The following ATPAF2 variants were observed in gnomAD, a reference collection of about 807,000 sequenced individuals.
ATPAF2 encodes the protein ATP synthase mitochondrial F1 complex assembly factor 2.
Under a neutral mutation model 36.6 loss-of-function variants are expected in ATPAF2, and 30 were observed. The ratio of observed to expected loss-of-function variants is 0.82; its 90% CI spans 0.61 to 1.11. The LOEUF (loss-of-function observed/expected upper bound fraction) is 1.11. Ranked by LOEUF, ATPAF2 falls within the 50% of genes most tolerant of loss-of-function variation. The pLI is 0.00. For missense variants in ATPAF2, 321 were observed against 372.3 expected, an observed-to-expected ratio of 0.86 and a Z score of 1.13; for synonymous variants, 140 against 152.6, an observed-to-expected ratio of 0.92 and a Z score of 0.61.
intron 2 of ATPAF2, 52 bp from the exon 3 acceptor site, chr17:18,028,429 G>A: frequency 6.2e-7 from 1 of 1,604,938 alleles, no homozygotes; most frequent in Non-Finnish European, 8.5e-7. Flanking sequence ...GGAATCAAGT[G>A]ACCATTCCTA....
In ATPAF2 at chr17:18,021,812, G is replaced by A. The variant is rs1161582403; in HGVS notation, c.549C>T (p.Ser183=). 7.4e-6 allele frequency: 12 copies of A among 1,614,060 alleles called. No individual in the cohort carries two copies. The highest frequency in any genetic ancestry group is 8.5e-6 in the Non-Finnish European group (10 of 1,180,032). The change falls in exon 6 of 8, where the codon AGC becomes AGT. Residue 183 remains serine, a synonymous_variant. Transcript: ENST00000474627. ...GCACCTCCCGAGTTTTGGCAGGGAT[G>A]CTGGGTCCCATTATGCTGGTGGAGG... ...ISSSTSIMGP[S]IPAKTREVLV... is the part of the protein sequence containing the mutation.
intron 5 of ATPAF2, among the ~76,000 whole-genome samples, chr17:18,022,823 T>G (rs2145490862): frequency 6.6e-6 from 1 of 152,226 alleles, no homozygotes; most frequent in East Asian, 1.9e-4. Context: ...TTTTTTCTGT[T>G]GCTTAAAAAA....
At chr17:18,023,829 A>G (rs1013390860) in intron 5 of ATPAF2, among the ~76,000 whole-genome samples, 9 of 152,258 alleles carry the variant, frequency 5.9e-5, no homozygotes, top group Non-Finnish European at 1.3e-4. Flanking sequence ...CAGTCAAGGT[A>G]GTACCATGAA....
Position 18,021,816 on chromosome 17 carries a change from G to T in ATPAF2, c.545C>A (p.Pro182His). The T allele has an allele frequency of 6.2e-7, 1 of 1,614,118 alleles. No homozygotes were observed. ...EISSSTSIMG[P>H]SIPAKTREVL... ...CTCCCGAGTTTTGGCAGGGATGCTG[G>T]GTCCCATTATGCTGGTGGAGGAGCT... Residue 182 changes from proline (P) to histidine (H), a missense_variant, in exon 6 of 8, where the codon CCC (proline) becomes CAC (histidine). Transcript: ENST00000474627.
chr17:18,023,127 CAAAAAAA>C (rs772470040), intron 5 of ATPAF2, among the ~76,000 whole-genome samples: 28 of 104,778 alleles, frequency 2.7e-4, no homozygotes, highest in Non-Finnish European at 3.8e-4. Context: ...AGACTCCTTT[CAAAAAAA>C]AAAAAAAAAA....
At chr17:18,036,650 C>T (rs188248460) in intron 1 of ATPAF2, among the ~76,000 whole-genome samples, 17 of 151,832 alleles carry the variant, frequency 1.1e-4, no homozygotes, top group African/African-American at 3.9e-4. Flanking sequence ...TTTTCTTTCA[C>T]ATTTGACTAC....
chr17:18,027,552 G>T (rs536686111), intron 3 of ATPAF2, among the ~76,000 whole-genome samples: 1 of 152,298 alleles, frequency 6.6e-6, no homozygotes, highest in South Asian at 2.1e-4. Flanking sequence ...TCTTTAATCG[G>T]TGGGGAATAT....
At chr17:18,035,812 A>G (rs2044695194) in intron 1 of ATPAF2, among the ~76,000 whole-genome samples, 1 of 152,324 alleles carries the variant, frequency 6.6e-6, no homozygotes, top group Non-Finnish European at 1.5e-5. Flanking sequence ...AATCCACACC[A>G]CTATTCTATG....
intron 1 of ATPAF2, 99 bp from the exon 2 acceptor site, chr17:18,028,758 A>G: frequency 3.5e-6 from 4 of 1,126,782 alleles, no homozygotes; most frequent in Non-Finnish European, 5.4e-6. Flanking sequence ...ATGTTGATTG[A>G]TTGGCTTGAT....
At position 18,026,938 on chromosome 17, in the gene ATPAF2, C is replaced by T. The variant is rs117630052; in HGVS notation, c.325-522G>A. Among the ~76,000 whole-genome samples the T allele has an allele frequency of 2.2e-3, 329 of 152,194 alleles. 4 individuals carry two copies. In the East Asian group the frequency reaches 0.031, roughly 14 times the overall value. ...AAATCGGGATCAAGATTATTTTTTTCGGCCAAGTGTGGTGGCTCACGCCTG... is the reference window on the plus strand; with the variant it reads ...AAATCGGGATCAAGATTATTTTTTTTGGCCAAGTGTGGTGGCTCACGCCTG... On this transcript the variant is annotated intron_variant, in intron 3 of 7. Transcript: ENST00000474627.
intron 1 of ATPAF2, among the ~76,000 whole-genome samples, chr17:18,032,662 G>A (rs2044652898): frequency 6.6e-6 from 1 of 152,284 alleles, no homozygotes; most frequent in South Asian, 2.1e-4. Flanking sequence ...TGGGACATGT[G>A]CAAAGCTCAT....
downstream of ATPAF2, chr17:18,015,061 C>G (rs1296446854): frequency 2.6e-5 from 4 of 152,164 alleles, no homozygotes; most frequent in African/African-American, 9.7e-5. Context: ...CCAAGAGAGA[C>G]AAAGCTTAAA....
Position 18,018,459 on chromosome 17 carries a change from G to C in ATPAF2, c.*90C>G. On this transcript the variant is annotated 3_prime_UTR_variant, in exon 8 of 8. Coordinates refer to ENST00000474627, the MANE Select transcript of ATPAF2 (RefSeq NM_145691.4). ...TGAGGCCGAGTCCCCAAAAGCCAAG[G>C]AAGCCAGCCCCACAGGCTGGGGAGC... The C allele has an allele frequency of 6.3e-7, 1 of 1,583,512 alleles. No individual in the cohort carries two copies.
At chr17:18,037,656 T>G (rs1040653701) in intron 1 of ATPAF2, among the ~76,000 whole-genome samples, 3 of 152,232 alleles carry the variant, frequency 2.0e-5, no homozygotes, top group East Asian at 1.9e-4. Flanking sequence ...AAAGGCAACC[T>G]AGTACTTCAA....
At position 18,029,406 on chromosome 17, in the gene ATPAF2, A is replaced by G. The variant is rs77218348; in HGVS notation, c.134-747T>C. Among the ~76,000 whole-genome samples the G allele has an allele frequency of 6.2e-3, 942 of 152,346 alleles. 9 individuals are homozygous for G. The highest frequency in any genetic ancestry group is 0.02 in the African/African-American group (844 of 41,576). On this transcript the variant is annotated intron_variant, in intron 1 of 7. Coordinates refer to ENST00000474627, the MANE Select transcript of ATPAF2 (RefSeq NM_145691.4). ...AGTCACATTTTGGAAGCTATAAGCTATAACTCAGTCTCTCACATCTGTGAC... is the reference window on the plus strand; with the variant it reads ...AGTCACATTTTGGAAGCTATAAGCTGTAACTCAGTCTCTCACATCTGTGAC...
intron 7 of ATPAF2, among the ~76,000 whole-genome samples, chr17:18,019,673 G>C (rs1485312549): frequency 6.6e-6 from 1 of 152,210 alleles, no homozygotes; most frequent in Non-Finnish European, 1.5e-5. Flanking sequence ...GCTCCTCCCT[G>C]GCTAGTTGCC....
intron 6 of ATPAF2, chr17:18,021,524 T>C (rs1265309526): frequency 4.8e-6 from 3 of 627,880 alleles, no homozygotes; most frequent in South Asian, 1.8e-5. Flanking sequence ...GGCAATGAGA[T>C]TGAACTCAAG....
intron 7 of ATPAF2, among the ~76,000 whole-genome samples, 199 bp from the exon 8 acceptor site, chr17:18,018,885 C>T (rs2044425160): frequency 6.6e-6 from 1 of 152,178 alleles, no homozygotes; most frequent in Admixed American, 6.5e-5. Context: ...CCTGTAATCC[C>T]AGCACTCTGG....
At chr17:18,023,939 T>C (rs1173668180) in intron 5 of ATPAF2, among the ~76,000 whole-genome samples, 1 of 152,254 alleles carries the variant, frequency 6.6e-6, no homozygotes, top group Non-Finnish European at 1.5e-5. Context: ...AGTCTTCCTA[T>C]TAAAGAAAAA....
Sources: gnomAD v4.1 joint callset for allele counts (sites outside exome capture counted in the v4.1 genomes callset) on GRCh38, gnomAD v4.1.1 for gene constraint, MANE v1.5 for transcripts, NCBI Gene and HGNC (gene_info 2026-07-23, HGNC 2026-07-21) for gene names.